Variants in NALCN observed in about 807,000 individuals in gnomAD.
The protein encoded by NALCN is sodium leak channel, non-selective.
In NALCN, 111 loss-of-function variants were observed where a neutral mutation model predicts 225.3. That is an observed-to-expected ratio of 0.49 (90% CI 0.42 to 0.58). The LOEUF (loss-of-function observed/expected upper bound fraction) is 0.58, where lower values mean the gene tolerates loss of function less well. Ranked by LOEUF, NALCN falls within the 20% of genes least tolerant of loss-of-function variation. NALCN has a pLI of 0.00. For missense variants in NALCN, 1,378 were observed against 2,202.4 expected (o/e 0.63, Z 7.49); for synonymous variants, 764 against 769.0 (o/e 0.99, Z 0.11).
intron 28 of NALCN, among the ~76,000 whole-genome samples, chr13:101,095,368 T>C (rs564138081): frequency 1.3e-5 from 2 of 152,322 alleles, no homozygotes; most frequent in South Asian, 4.1e-4. Context: ...CATGAAGCTA[T>C]ATAGAACTCA....
chr13:101,308,269 A>G (rs2044219886), intron 7 of NALCN, among the ~76,000 whole-genome samples: 1 of 152,174 alleles, frequency 6.6e-6, no homozygotes, highest in African/African-American at 2.4e-5. Context: ...GTGAGGGAAT[A>G]TGTTTCCTAG....
intron 13 of NALCN, among the ~76,000 whole-genome samples, chr13:101,193,831 G>A (rs1423826901): frequency 3.3e-5 from 5 of 151,938 alleles, no homozygotes; most frequent in East Asian, 1.9e-4. Context: ...TGAGGAACAC[G>A]AATTCCAAAG....
intron 18 of NALCN, among the ~76,000 whole-genome samples, chr13:101,118,073 C>T (rs1231262026): frequency 6.6e-6 from 1 of 152,136 alleles, no homozygotes; most frequent in Non-Finnish European, 1.5e-5. Context: ...GTGTCAGCTA[C>T]AGACTTGGCG....
At chr13:101,325,251 A>T (rs2044902892) in intron 7 of NALCN, among the ~76,000 whole-genome samples, 1 of 152,218 alleles carries the variant, frequency 6.6e-6, no homozygotes, top group Non-Finnish European at 1.5e-5. Flanking sequence ...AGGAACTTCC[A>T]CTTGCCAACC....
At chr13:101,307,738 G>A (rs1182131937) in intron 7 of NALCN, among the ~76,000 whole-genome samples, 1 of 152,170 alleles carries the variant, frequency 6.6e-6, no homozygotes, top group Non-Finnish European at 1.5e-5. Context: ...TAGTTCTTCT[G>A]TGCTTTTGCT....
chr13:101,415,026 G>A (rs2047894554), intron 1 of NALCN, among the ~76,000 whole-genome samples: 1 of 147,578 alleles, frequency 6.8e-6, no homozygotes, highest in Admixed American at 6.6e-5. Flanking sequence ...GGGAGTAAAT[G>A]TTTCTCGTTG....
At chr13:101,149,255 T>A (rs1207349278) in intron 15 of NALCN, among the ~76,000 whole-genome samples, 1 of 149,446 alleles carries the variant, frequency 6.7e-6, no homozygotes, top group Non-Finnish European at 1.5e-5. Context: ...ATTGTGCCAC[T>A]GCACTCCAGC....
intron 7 of NALCN, among the ~76,000 whole-genome samples, chr13:101,298,949 T>C (rs2043853111): frequency 6.6e-6 from 1 of 152,262 alleles, no homozygotes; most frequent in African/African-American, 2.4e-5. Context: ...GCACAGGGTC[T>C]AGCATATAAT....
intron 7 of NALCN, among the ~76,000 whole-genome samples, chr13:101,304,758 C>CTTTTTTTTT (rs769247590): frequency 1.3e-4 from 16 of 122,812 alleles, no homozygotes; most frequent in South Asian, 8.1e-4. Context: ...TTTTTCTTTT[C>CTTTTTTTTT]TTTTTTTTTT....
At chr13:101,350,702 G>C (rs1053052459) in intron 6 of NALCN, among the ~76,000 whole-genome samples, 1 of 152,142 alleles carries the variant, frequency 6.6e-6, no homozygotes, top group South Asian at 2.1e-4. Context: ...TGCTGTGAAG[G>C]TATTTTACAG....
intron 18 of NALCN, among the ~76,000 whole-genome samples, chr13:101,115,010 C>A (rs771036993): frequency 6.6e-6 from 1 of 152,136 alleles, no homozygotes; most frequent in East Asian, 1.9e-4. Context: ...TTTCTCAGCT[C>A]TTATCCACAG....
chr13:101,081,486 C>T, intron 34 of NALCN, 41 bp downstream of exon 34: 1 of 1,613,214 alleles, frequency 6.2e-7, no homozygotes, highest in South Asian at 1.1e-5. Context: ...CTGAACCAAA[C>T]TGAAATAATC....
intron 11 of NALCN, among the ~76,000 whole-genome samples, chr13:101,250,897 G>A (rs1318686636): frequency 2.0e-5 from 3 of 151,590 alleles, no homozygotes; most frequent in African/African-American, 7.3e-5. Context: ...AGGGCTGACA[G>A]AATACGAAAA....
intron 15 of NALCN, among the ~76,000 whole-genome samples, chr13:101,161,658 G>C (rs1047260433): frequency 6.6e-6 from 1 of 152,188 alleles, no homozygotes; most frequent in Non-Finnish European, 1.5e-5. Context: ...GATCACCTGA[G>C]GTCAGGAGTT....
chr13:101,238,458 T>C (rs1461178201), intron 11 of NALCN, among the ~76,000 whole-genome samples: 1 of 151,964 alleles, frequency 6.6e-6, no homozygotes, highest in Admixed American at 6.6e-5. Flanking sequence ...TAAATCAATA[T>C]GTTACTTTAA....
intron 6 of NALCN, among the ~76,000 whole-genome samples, chr13:101,361,700 G>A (rs911398614): frequency 6.6e-6 from 1 of 152,136 alleles, no homozygotes; most frequent in East Asian, 1.9e-4. Flanking sequence ...ATAACTTATC[G>A]GGTTGTTATA....
intron 28 of NALCN, among the ~76,000 whole-genome samples, chr13:101,091,347 G>A (rs1264265357): frequency 6.6e-6 from 1 of 152,120 alleles, no homozygotes. Context: ...GGAAAATCTG[G>A]TTCTGTACTT....
chr13:101,134,987 A>G (rs927475056), intron 17 of NALCN, among the ~76,000 whole-genome samples: 22 of 152,052 alleles, frequency 1.4e-4, no homozygotes, highest in Admixed American at 6.6e-4. Context: ...GAGGTCAGGA[A>G]ATCGAGACCA....
At chr13:101,160,004 A>G (rs867793326) in intron 15 of NALCN, among the ~76,000 whole-genome samples, 7 of 151,992 alleles carry the variant, frequency 4.6e-5, no homozygotes, top group East Asian at 3.9e-4. Flanking sequence ...GCCCAGGCTG[A>G]AGTGCAGCGG....
Sources: allele counts gnomAD v4.1 joint callset (sites outside exome capture counted in the v4.1 genomes callset), GRCh38; gene constraint gnomAD v4.1.1; transcripts MANE v1.5; gene names NCBI Gene and HGNC (gene_info 2026-07-23, HGNC 2026-07-21).